The following CCDC138 variants were observed in gnomAD, a reference collection of about 807,000 sequenced individuals.
The protein encoded by CCDC138 is coiled-coil domain-containing protein 138.
Under a neutral mutation model 82.3 loss-of-function variants are expected in CCDC138, and 66 were observed. The ratio of observed to expected loss-of-function variants is 0.80; its 90% confidence interval spans 0.66 to 0.98. The LOEUF is 0.98. CCDC138 is among the 50% of genes least tolerant of loss of function. The pLI is 0.00. For missense variants in CCDC138, 816 were observed against 758.9 expected (o/e 1.08, Z -0.88); for synonymous variants, 297 against 265.4 (o/e 1.12, Z -1.16).
chr2:108,885,461 A>G (rs1696397138), exon 3 of CCDC138: 1 of 152,258 alleles, frequency 6.6e-6, no homozygotes, highest in Admixed American at 6.5e-5. Flanking sequence ...AAGTTATACA[A>G]TAAAATTGAA....
At chr2:108,847,833 A>G (rs1690741890) in intron 12 of CCDC138, among the ~76,000 whole-genome samples, 1 of 152,232 alleles carries the variant, frequency 6.6e-6, no homozygotes, top group African/African-American at 2.4e-5. Flanking sequence ...ATGAAAAAGT[A>G]AAAAACCATA....
At position 108,853,878 on chromosome 2, in the gene CCDC138, A is replaced by AATTAT. The variant is rs1553429529; in HGVS notation, c.1517-2914_1517-2913insTATAT. Among the ~76,000 whole-genome samples, 68 of 124,846 alleles carry AATTAT rather than the reference A, an allele frequency of 5.4e-4. 1 individual carries two copies. Among genetic ancestry groups the AATTAT allele is most frequent in the African/African-American group, 2.1e-3 (67 of 32,154 alleles). The allele number at this position is 124,846 out of a possible 152,430, so 81.9% of individuals were successfully genotyped here. A position where few individuals can be genotyped will look rare whatever the true frequency, so the allele number is the denominator to read the frequency against. On this transcript the variant is annotated intron_variant, in intron 12 of 14. Transcript: ENST00000295124. Reference sequence around the variant, plus strand: ...TATATATATAATATATATACTATATAATATATTATATAGTATATATATTAT... The same window carrying AATTAT: ...TATATATATAATATATATACTATATAATTATATATATTATATAGTATATATATTAT...
intron 10 of CCDC138, among the ~76,000 whole-genome samples, chr2:108,827,671 C>T (rs1420347967): frequency 6.6e-6 from 1 of 151,966 alleles, no homozygotes; most frequent in East Asian, 1.9e-4. Flanking sequence ...AAAAAATTAG[C>T]CAGGCGTGGT....
intron 10 of CCDC138, among the ~76,000 whole-genome samples, chr2:108,828,770 A>G (rs1239499912): frequency 1.3e-5 from 2 of 152,170 alleles, no homozygotes; most frequent in Non-Finnish European, 2.9e-5. Flanking sequence ...CCAGGTCAGG[A>G]GTTCGAGACC....
In CCDC138 at chr2:108,832,762, A is replaced by C. The variant is rs562336640; in HGVS notation, c.1207-6423A>C. Among the ~76,000 whole-genome samples, 6 of 152,292 alleles carry C rather than the reference A, an allele frequency of 3.9e-5. No individual in the cohort carries two copies. In the South Asian group the frequency reaches 1.0e-3, roughly 26 times the overall value. On this transcript the variant is annotated intron_variant, in intron 10 of 14. Coordinates refer to ENST00000295124, the MANE Select transcript of CCDC138 (RefSeq NM_144978.3). ...ATGAGTAGGTTTTTGTGAGACAGAC[A>C]CCTAGTAGTTGAAGGAGGAGACACG...
chr2:108,789,852 AG>A (rs536439608), intron 3 of CCDC138, among the ~76,000 whole-genome samples: 35 of 152,362 alleles, frequency 2.3e-4, no homozygotes, highest in African/African-American at 8.4e-4. Flanking sequence ...GGTAAAATAA[AG>A]ATCTAAGTTG....
intron 10 of CCDC138, among the ~76,000 whole-genome samples, chr2:108,834,956 T>C (rs986057404): frequency 3.9e-5 from 6 of 152,380 alleles, no homozygotes; most frequent in African/African-American, 1.2e-4. Context: ...TCACTTCTAA[T>C]TGAAGGTCAG....
At chr2:108,794,193 G>A (rs1680458617) in intron 4 of CCDC138, among the ~76,000 whole-genome samples, 1 of 152,128 alleles carries the variant, frequency 6.6e-6, no homozygotes, top group African/African-American at 2.4e-5. Flanking sequence ...TTGCATTAGT[G>A]GTAAATTTGG....
chr2:108,786,873 T>A lies in CCDC138; in HGVS notation c.51T>A (p.Ser17Arg). 1 of 1,575,352 alleles carries A rather than the reference T, an allele frequency of 6.3e-7. No homozygotes were observed. Residue 17 changes from serine to arginine, a missense_variant, in exon 1 of 15, where the codon AGT becomes AGA. Transcript: ENST00000295124. Reference sequence around the variant, plus strand: ...CGGGGCAGGATTTAGTAGTGGAGAGTCTCAAAAGCCGCTACGGACTCGGGG... The same window carrying A: ...CGGGGCAGGATTTAGTAGTGGAGAGACTCAAAAGCCGCTACGGACTCGGGG... ...KPPGQDLVVE[S>R]LKSRYGLGGS... is the part of the protein sequence containing the mutation.
intron 5 of CCDC138, among the ~76,000 whole-genome samples, chr2:108,796,334 G>A (rs891866153): frequency 2.6e-5 from 4 of 151,770 alleles, no homozygotes; most frequent in East Asian, 1.9e-4. Context: ...GATTACAGGC[G>A]TGAGCCACCG....
intron 13 of CCDC138, among the ~76,000 whole-genome samples, chr2:108,866,855 C>T (rs1048674119): frequency 1.3e-5 from 2 of 151,548 alleles, no homozygotes; most frequent in East Asian, 3.9e-4. Context: ...GGCACTCCAG[C>T]CTGGGCGACA....
chr2:108,866,153 C>T (rs935319263), intron 13 of CCDC138, among the ~76,000 whole-genome samples: 1 of 152,126 alleles, frequency 6.6e-6, no homozygotes, highest in Admixed American at 6.5e-5. Context: ...GGAATTTGGC[C>T]ATGGGGATTG....
At position 108,876,162 on chromosome 2, in the gene CCDC138, A is replaced by G. The variant is rs1174361892; in HGVS notation, c.1907A>G (p.Glu636Gly). The G allele has an allele frequency of 1.9e-6, 3 of 1,612,356 alleles. No homozygotes were observed. In the African/African-American group the frequency reaches 4.0e-5, roughly 22 times the overall value. The change falls in exon 15 of 15, where the codon GAG becomes GGG. Residue 636 changes from glutamate (E) to glycine (G), a missense_variant. Glu to Gly is a moderately conservative substitution (Grantham distance 98). Coordinates refer to ENST00000295124, the MANE Select transcript of CCDC138 (RefSeq NM_144978.3). ...LQEIQRTTNP[E>G]HAFLCINLNS... ...GAAATACAAAGGACAACAAACCCAG[A>G]GCATGCATTTCTCTGTATTAATCTA...
chr2:108,814,143 A>G (rs907068435), intron 9 of CCDC138, among the ~76,000 whole-genome samples: 10 of 152,214 alleles, frequency 6.6e-5, no homozygotes, highest in African/African-American at 2.2e-4. Context: ...CGATAAAGGT[A>G]GATGTATGTT....
Position 108,794,548 on chromosome 2 carries a change from C to G in CCDC138, c.403C>G (p.Pro135Ala). 1 of 1,592,266 alleles carries G rather than the reference C, an allele frequency of 6.3e-7. No homozygotes were observed. Among genetic ancestry groups the G allele is most frequent in the Non-Finnish European group, 8.6e-7 (1 of 1,169,370 alleles). The part of the protein sequence containing the change: ...SFKEIEKVAL[P>A]TNTTSSRPRT... ...TGTTATTTTCTTTGCAGTTGCCTTG[C>G]CAACTAATACGACCTCATCGAGACC... is the stretch of plus-strand genomic sequence containing the variant. Residue 135 changes from proline (P) to alanine (A), a missense_variant, in exon 5 of 15, where the codon CCA (proline) becomes GCA (alanine). Transcript: ENST00000295124.
Position 108,794,658 on chromosome 2 carries a change from T to C in CCDC138, c.513T>C (p.Ser171=). The change falls in exon 5 of 15, where the codon AGT becomes AGC. Residue 171 remains serine (S), a synonymous_variant. Coordinates refer to ENST00000295124, the MANE Select transcript of CCDC138 (RefSeq NM_144978.3). The part of the protein sequence containing the change: ...CPKSKASDKR[S]LLPHQISQIY... The stretch of plus-strand genomic sequence containing the variant: ...AATCTAAAGCATCAGACAAGCGGAG[T>C]TTACTTCCACATCAGATCAGTCAGA... 1 of 1,613,992 alleles carries C rather than the reference T, an allele frequency of 6.2e-7. No individual in the cohort carries two copies.
chr2:108,811,979 T>C (rs2149823129), intron 7 of CCDC138, among the ~76,000 whole-genome samples: 1 of 152,342 alleles, frequency 6.6e-6, no homozygotes, highest in South Asian at 2.1e-4. Flanking sequence ...CATAGTATTC[T>C]ATTCATGGTG....
At chr2:108,878,688 A>G (rs1574349584), downstream of CCDC138, among the ~76,000 whole-genome samples, 1 of 152,222 alleles carries the variant, frequency 6.6e-6, no homozygotes. Flanking sequence ...GGGAAAAGCA[A>G]TATGTTAGTA....
intron 14 of CCDC138, among the ~76,000 whole-genome samples, chr2:108,875,331 AAAAAAGAAAC>A (rs1430085080): frequency 1.5e-5 from 2 of 136,216 alleles, no homozygotes; most frequent in East Asian, 0.012. Flanking sequence ...AAAAAAAAAA[AAAAAAGAAAC>A]AAATTCTTAA....
Sources: gnomAD v4.1 joint callset for allele counts (sites outside exome capture counted in the v4.1 genomes callset) on GRCh38, gnomAD v4.1.1 for gene constraint, MANE v1.5 for transcripts, NCBI Gene and HGNC (gene_info 2026-07-23, HGNC 2026-07-21) for gene names.